CSGALNACT2: variants seen among roughly 807,000 people sequenced by gnomAD.
The protein encoded by CSGALNACT2 is beta 4 GalNAcT-2.
CSGALNACT2 carries 35 observed loss-of-function variants against 55.3 expected under a neutral mutation model. That is an observed-to-expected ratio of 0.63 (90% CI 0.48 to 0.84). The LOEUF (loss-of-function observed/expected upper bound fraction) is 0.84. CSGALNACT2 is among the 40% of genes least tolerant of loss of function. CSGALNACT2 has a pLI of 0.00. For missense variants in CSGALNACT2, 544 were observed against 657.5 expected (o/e 0.83, Z 1.89); for synonymous variants, 196 against 224.9 (o/e 0.87, Z 1.15).
intron 1 of CSGALNACT2, among the ~76,000 whole-genome samples, chr10:43,151,279 G>A (rs1838868430): frequency 6.6e-6 from 1 of 151,940 alleles, no homozygotes; most frequent in African/African-American, 2.4e-5. Flanking sequence ...GTTGAGTACT[G>A]GATATTTCTG....
rs1218778943 is a variant in CSGALNACT2 at position 43,163,895 on chromosome 10, T to A, written c.1010T>A (p.Val337Asp). 6.2e-7 allele frequency: 1 copy of A among 1,614,138 alleles called. No individual in the cohort carries two copies. The highest frequency in any genetic ancestry group is 8.5e-7 in the Non-Finnish European group (1 of 1,180,012). Reference protein sequence around the residue: ...SESNFHNYTLVSLNEEFNRGR... With the variant: ...SESNFHNYTLDSLNEEFNRGR... ...TCTAATTTTCACAATTACACCTTGG[T>A]CTCATTGAATGAAGAATTTAATCGT... The change falls in exon 5 of 8, where the codon GTC (valine) becomes GAC (aspartate). Residue 337 changes from valine to aspartate, a missense_variant. By Grantham distance (152) the Val-to-Asp change is radical (BLOSUM62 -3). Coordinates refer to ENST00000374466, the MANE Select transcript of CSGALNACT2 (RefSeq NM_018590.5).
intron 6 of CSGALNACT2, among the ~76,000 whole-genome samples, chr10:43,171,397 G>T (rs1839379627): frequency 1.3e-5 from 2 of 148,854 alleles, no homozygotes; most frequent in Non-Finnish European, 3.0e-5. Context: ...TTGTTGCCCA[G>T]CCTGGAGTGC....
chr10:43,163,997 A>C lies in CSGALNACT2; in HGVS notation c.1112A>C (p.Tyr371Ser), dbSNP rs374493889. 1.2e-6 allele frequency: 2 copies of C among 1,614,004 alleles called. No individual in the cohort carries two copies. Among genetic ancestry groups the C allele is most frequent in the Non-Finnish European group, 8.5e-7 (1 of 1,179,966 alleles). ...ATGTTTTTCTGTGATGTTGATATCT[A>C]TTTCTCAGCCGAATTCCTTAACAGC... ...VLMFFCDVDI[Y>S]FSAEFLNSCR... The change falls in exon 5 of 8, where the codon TAT becomes TCT. Residue 371 changes from tyrosine (Y) to serine (S), a missense_variant. Physicochemically the swap from Tyr to Ser is moderately radical, Grantham distance 144. This residue lies in a region of CSGALNACT2 where 170 missense variants were observed against 256.2 expected (regional missense o/e 0.66). Transcript: ENST00000374466.
rs554166431 is a variant in CSGALNACT2 at position 43,144,084 on chromosome 10, A to G, written c.-254+5517A>G. 9.8e-5 allele frequency among the ~76,000 whole-genome samples: 15 copies of G among 152,380 alleles called. No individual in the cohort carries two copies. In the South Asian group the frequency reaches 3.1e-3, roughly 32 times the overall value. On this transcript the variant is annotated intron_variant, in intron 1 of 7. Transcript: ENST00000374466. The stretch of plus-strand genomic sequence containing the variant: ...GTGGCTTTGTTTTTGCTTTGTAAAA[A>G]ATGAACTCAAAATTATAAATTTAGT...
Position 43,155,720 on chromosome 10 carries a change from A to G in CSGALNACT2, c.571A>G (p.Ile191Val), listed in dbSNP as rs774294643. 3.8e-5 allele frequency: 62 copies of G among 1,614,082 alleles called. No homozygotes were observed. The South Asian group carries it at 6.5e-4, about 17-fold the overall frequency. ...VEVIEAGLEV[I>V]NNPDEDDEQE... ...AGTTATTGAAGCGGGCTTGGAGGTC[A>G]TTAATAATCCTGATGAAGATGATGA... Residue 191 changes from isoleucine (I) to valine (V), a missense_variant, in exon 2 of 8, where the codon ATT (isoleucine) becomes GTT (valine). Ile to Val is a conservative substitution (Grantham distance 29). Transcript: ENST00000374466.
rs926090510 is a variant in CSGALNACT2 at position 43,138,548 on chromosome 10, G to C, written c.-273G>C. On this transcript the variant is annotated 5_prime_UTR_variant, in exon 1 of 8. Coordinates refer to ENST00000374466, the MANE Select transcript of CSGALNACT2 (RefSeq NM_018590.5). ...TCCCCGCGGCGCAGGAGGCGGTGGA[G>C]CGCAGAGCGGGCGAGCGCGGTGAGT... is the stretch of plus-strand genomic sequence containing the variant. 1 of 150,574 alleles carries C rather than the reference G, an allele frequency of 6.6e-6. No homozygotes were observed. The highest frequency in any genetic ancestry group is 2.4e-5 in the African/African-American group (1 of 41,258). The allele number at this position is 150,574 out of a possible 1,614,324, so 9.3% of individuals were successfully genotyped here. A position where few individuals can be genotyped will look rare whatever the true frequency, so the allele number is the denominator to read the frequency against.
intron 7 of CSGALNACT2, among the ~76,000 whole-genome samples, chr10:43,178,166 C>G (rs1359384568): frequency 2.0e-5 from 3 of 152,140 alleles, no homozygotes; most frequent in Non-Finnish European, 2.9e-5. Flanking sequence ...TGGGAAGTTT[C>G]AGCCATTATA....
chr10:43,183,571 C>A lies in CSGALNACT2; in HGVS notation c.*29C>A, dbSNP rs749541285. 1 of 1,581,704 alleles carries A rather than the reference C, an allele frequency of 6.3e-7. No homozygotes were observed. The highest frequency in any genetic ancestry group is 1.3e-5 in the African/African-American group (1 of 74,178). On this transcript the variant is annotated 3_prime_UTR_variant, in exon 8 of 8. Transcript: ENST00000374466. The stretch of plus-strand genomic sequence containing the variant: ...CATAATTAATGCGTTACTGTATGAA[C>A]CACAAAACAGCACTATTTATTTAGC...
rs772669770 is a variant in CSGALNACT2, at chr10:43,160,500, T to C, written c.885T>C (p.Val295=). Residue 295 remains valine (V), a synonymous_variant, in exon 4 of 8, where the codon GTT becomes GTC. Transcript: ENST00000374466. Reference sequence around the variant, plus strand: ...TATTTTTCACTTCTGTTAGGGATGTTTGTATTCATCAAGACAAGAAGATTC... The same window carrying C: ...TATTTTTCACTTCTGTTAGGGATGTCTGTATTCATCAAGACAAGAAGATTC... ...FVQFMQNFRD[V]CIHQDKKIHL... 1 of 1,526,638 alleles carries C rather than the reference T, an allele frequency of 6.6e-7. No individual in the cohort carries two copies. Among genetic ancestry groups the C allele is most frequent in the Admixed American group, 1.7e-5 (1 of 57,448 alleles). 94.6% of individuals were successfully genotyped at this position (1,526,638 alleles called of 1,614,324 possible).
chr10:43,149,743 A>G (rs948054261), intron 1 of CSGALNACT2, among the ~76,000 whole-genome samples: 3 of 152,160 alleles, frequency 2.0e-5, no homozygotes, highest in African/African-American at 7.2e-5. Flanking sequence ...CTGTGAAGAT[A>G]ATTCTTATTT....
At chr10:43,164,413 G>A (rs993242824) in intron 5 of CSGALNACT2, among the ~76,000 whole-genome samples, 9 of 152,252 alleles carry the variant, frequency 5.9e-5, no homozygotes, top group East Asian at 3.9e-4. Context: ...GGCATATAGC[G>A]TCCACACATG....
At chr10:43,173,908 G>A (rs1213681478) in intron 6 of CSGALNACT2, among the ~76,000 whole-genome samples, 2 of 152,094 alleles carry the variant, frequency 1.3e-5, no homozygotes, top group Non-Finnish European at 2.9e-5. Flanking sequence ...CACGGAAATC[G>A]CTTGAACCTG....
intron 1 of CSGALNACT2, among the ~76,000 whole-genome samples, chr10:43,143,758 A>T (rs1472936363): frequency 6.6e-6 from 1 of 152,096 alleles, no homozygotes; most frequent in African/African-American, 2.4e-5. Flanking sequence ...CCATGATTAT[A>T]GTTTTCTCCA....
At chr10:43,168,312 G>A (rs144154896) in intron 6 of CSGALNACT2, among the ~76,000 whole-genome samples, 1,785 of 152,150 alleles carry the variant, frequency 0.012, 35 homozygotes, top group African/African-American at 0.041. Flanking sequence ...TTAGCCAGGC[G>A]TGGTGGCACG....
chr10:43,146,963 C>CTTTTTTTTTTTTT (rs869040617), intron 1 of CSGALNACT2, among the ~76,000 whole-genome samples: 2 of 87,966 alleles, frequency 2.3e-5, no homozygotes, highest in African/African-American at 4.4e-5. Flanking sequence ...TGTTGAGCAT[C>CTTTTTTTTTTTTT]TTTTTTTTTT....
rs184289066 is a variant in CSGALNACT2, at chr10:43,147,226, C to T, written c.-253-7671C>T. On this transcript the variant is annotated intron_variant, in intron 1 of 7. Coordinates refer to ENST00000374466, the MANE Select transcript of CSGALNACT2 (RefSeq NM_018590.5). ...TCCTGACCTCGTGATCCGCCCGCCT[C>T]GGCCTCCCAAAGTGCTGGGATTACA... Among the ~76,000 whole-genome samples the T allele has an allele frequency of 9.4e-3, 1,422 of 152,070 alleles. 19 individuals are homozygous for T. The highest frequency in any genetic ancestry group is 0.033 in the African/African-American group (1,360 of 41,474).
intron 2 of CSGALNACT2, among the ~76,000 whole-genome samples, chr10:43,156,369 T>C (rs1168890657): frequency 6.6e-6 from 1 of 152,202 alleles, no homozygotes; most frequent in Non-Finnish European, 1.5e-5. Context: ...TTTTTATGTA[T>C]CAAGATGGGA....
At chr10:43,164,160 T>C (rs961230325) in intron 5 of CSGALNACT2, 116 bp downstream of exon 5, 3 of 837,536 alleles carry the variant, frequency 3.6e-6, no homozygotes, top group Non-Finnish European at 5.4e-6. Context: ...CCAGTATTTT[T>C]TTAAGTTATA....
intron 3 of CSGALNACT2, 128 bp downstream of exon 3, chr10:43,159,059 TA>T: frequency 3.3e-6 from 2 of 613,120 alleles, no homozygotes; most frequent in Admixed American, 3.0e-5. Context: ...AGGGGAACTT[TA>T]TTTTTTTATA....
Sources: gnomAD v4.1 joint callset for allele counts (sites outside exome capture counted in the v4.1 genomes callset) on GRCh38, gnomAD v4.1.1 for gene constraint, gnomAD v4.1.1 regional missense constraint, MANE v1.5 for transcripts, NCBI Gene and HGNC (gene_info 2026-07-23, HGNC 2026-07-21) for gene names.